SETD2: variants seen among roughly 807,000 people sequenced by gnomAD.
SETD2 encodes histone-lysine N-methyltransferase SETD2.
A neutral mutation model predicts 242.1 loss-of-function variants in SETD2; 31 were observed. The ratio of observed to expected loss-of-function variants is 0.13; its 90% CI spans 0.10 to 0.17. The LOEUF (loss-of-function observed/expected upper bound fraction) is 0.17. Among genes scored for constraint, SETD2 ranks in the 10% least tolerant of loss-of-function variants. The pLI, the probability that SETD2 is intolerant of heterozygous loss-of-function variation, is 1.00. For synonymous variants in SETD2, 1,006 were observed against 1,066.5 expected (o/e 0.94, Z 1.11); for missense variants, 2,481 against 3,046.3 (o/e 0.81, Z 4.37).
At chr3:47,030,951 G>A (rs1027954491) in intron 18 of SETD2, among the ~76,000 whole-genome samples, 1 of 152,178 alleles carries the variant, frequency 6.6e-6, no homozygotes, top group Non-Finnish European at 1.5e-5. Context: ...AGACATGGTG[G>A]AAGCCTCAAT....
chr3:47,151,782 G>C (rs1015163727), intron 1 of SETD2, among the ~76,000 whole-genome samples: 1 of 146,238 alleles, frequency 6.8e-6, no homozygotes, highest in Non-Finnish European at 1.5e-5. Context: ...AGCCAAGATC[G>C]CACCACTGCA....
chr3:47,093,354 G>A (rs1427427311), intron 9 of SETD2, among the ~76,000 whole-genome samples: 2 of 148,390 alleles, frequency 1.3e-5, no homozygotes, highest in Non-Finnish European at 3.0e-5. Flanking sequence ...CATCATGTCA[G>A]CTCACTGCAA....
chr3:47,088,951 T>A (rs1395110595), intron 9 of SETD2, among the ~76,000 whole-genome samples: 1 of 152,146 alleles, frequency 6.6e-6, no homozygotes, highest in African/African-American at 2.4e-5. Context: ...ACAAGTTGGA[T>A]AAACGGCCAT....
rs2107590103 is a variant in SETD2, at chr3:47,062,339, T to A, written c.6117A>T (p.Glu2039Asp). The A allele has an allele frequency of 6.3e-7, 1 of 1,596,850 alleles. No individual in the cohort carries two copies. Reference sequence around the variant, plus strand: ...TGAAGCCAACAGCATCCCTTCCTCGTTCAGTTGCTAAGGGAAAAGGGTGGT... The same window carrying A: ...TGAAGCCAACAGCATCCCTTCCTCGATCAGTTGCTAAGGGAAAAGGGTGGT... ...SQTEKENTTT[E>D]RGRDAVGFRD... Residue 2039 changes from glutamate to aspartate, a missense_variant, in exon 14 of 21, where the codon GAA (glutamate) becomes GAT (aspartate). This residue lies in a region of SETD2 where 80 missense variants were observed against 102.6 expected (regional missense o/e 0.78). Coordinates refer to ENST00000409792, the MANE Select transcript of SETD2 (RefSeq NM_014159.7).
At chr3:47,164,369 G>C (rs984302169), upstream of SETD2, 4 of 156,210 alleles carry the variant, frequency 2.6e-5, no homozygotes, top group African/African-American at 9.6e-5. This position sits in a 1 kb window ranked among gnomAD's most constrained non-coding sequence, Gnocchi z 5.4. Flanking sequence ...CTGGAGAGGC[G>C]GCACCGCGAC....
chr3:47,111,109 A>AG (rs2042632959), intron 5 of SETD2, among the ~76,000 whole-genome samples: 1 of 150,374 alleles, frequency 6.7e-6, no homozygotes, highest in Non-Finnish European at 1.5e-5. Context: ...AAAAAAAAAA[A>AG]AATCTCAAGA....
intron 5 of SETD2, among the ~76,000 whole-genome samples, chr3:47,111,577 T>C (rs576468598): frequency 5.3e-5 from 8 of 151,510 alleles, no homozygotes; most frequent in Non-Finnish European, 2.9e-5. Flanking sequence ...CTCAAAAAAA[T>C]AAAAAACAAT....
In SETD2 at chr3:47,037,749, C is replaced by T; in HGVS notation, c.7267G>A (p.Glu2423Lys). 1 of 1,613,686 alleles carries T rather than the reference C, an allele frequency of 6.2e-7. No individual in the cohort carries two copies. Among genetic ancestry groups the T allele is most frequent in the Non-Finnish European group, 8.5e-7 (1 of 1,179,762 alleles). Residue 2423 changes from glutamate to lysine, a missense_variant, in exon 18 of 21, where the codon GAA (glutamate) becomes AAA (lysine). This residue lies in a region of SETD2 where 235 missense variants were observed against 293.9 expected (regional missense o/e 0.80). Transcript: ENST00000409792. ...RQTQWDPPTW[E>K]SPGDDASLEH... ...AGGCTGGCATCATCTCCTGGGCTTT[C>T]CCAAGTAGGAGGATCCCACTGAGTC...
At chr3:47,119,458 T>C (rs2042986472) in intron 3 of SETD2, 1 of 159,092 alleles carries the variant, frequency 6.3e-6, no homozygotes, top group Non-Finnish European at 1.4e-5. Context: ...GTACCTGATA[T>C]GGTTTGGCTG....
At chr3:47,038,346 G>A (rs759637305) in intron 17 of SETD2, among the ~76,000 whole-genome samples, 1 of 152,168 alleles carries the variant, frequency 6.6e-6, no homozygotes, top group Non-Finnish European at 1.5e-5. Flanking sequence ...AGGCATGGTG[G>A]CTCATGCCTG....
At chr3:47,097,507 C>T (rs1303147866) in intron 9 of SETD2, among the ~76,000 whole-genome samples, 1 of 152,198 alleles carries the variant, frequency 6.6e-6, no homozygotes, top group Non-Finnish European at 1.5e-5. Flanking sequence ...AAAAGAGCAT[C>T]TGTGACTACT....
In SETD2 at chr3:47,018,095, G is replaced by A. The variant is rs1022183203; in HGVS notation, c.7432-356C>T. Among the ~76,000 whole-genome samples the A allele has an allele frequency of 3.3e-5, 5 of 152,184 alleles. No individual in the cohort carries two copies. The East Asian group carries it at 9.6e-4, about 29-fold the overall frequency. On this transcript the variant is annotated intron_variant, in intron 19 of 20. Transcript: ENST00000409792. The stretch of plus-strand genomic sequence containing the variant: ...CAGTAGCTGGGTTCTCTGGGCCCTG[G>A]AGGCAAGGCAGAGCACAGCAGGTGT...
chr3:47,098,196 T>C, intron 8 of SETD2, 115 bp from the exon 9 acceptor site: 1 of 1,014,288 alleles, frequency 9.9e-7, no homozygotes, highest in Non-Finnish European at 1.4e-6. Flanking sequence ...ACAAAAACCA[T>C]AACTTGAAGA....
At chr3:47,154,627 T>C (rs2044083169) in intron 1 of SETD2, among the ~76,000 whole-genome samples, 1 of 152,202 alleles carries the variant, frequency 6.6e-6, no homozygotes, top group Non-Finnish European at 1.5e-5. Flanking sequence ...GGAGGATTTT[T>C]ACTTTTTCTT....
rs758840930 is a variant in SETD2, at chr3:47,120,998, G to C, written c.3638C>G (p.Pro1213Arg). 2 of 1,614,158 alleles carry C rather than the reference G, an allele frequency of 1.2e-6. No homozygotes were observed. Among genetic ancestry groups the C allele is most frequent in the Admixed American group, 1.7e-5 (1 of 60,024 alleles). ...AGTGGTCTGTTGCCAAGACTTATTTGGGACATCTTCAAAATCAGAAGAATA... is the reference window on the plus strand; with the variant it reads ...AGTGGTCTGTTGCCAAGACTTATTTCGGACATCTTCAAAATCAGAAGAATA... The part of the protein sequence containing the change: ...PIYSSDFEDV[P>R]NKSWQQTTFQ... The change falls in exon 3 of 21, where the codon CCA becomes CGA. Residue 1213 changes from proline (P) to arginine (R), a missense_variant. Pro to Arg is a moderately radical substitution (Grantham distance 103). Coordinates refer to ENST00000409792, the MANE Select transcript of SETD2 (RefSeq NM_014159.7).
intron 18 of SETD2, among the ~76,000 whole-genome samples, chr3:47,022,825 G>C (rs2038292066): frequency 6.6e-6 from 1 of 152,228 alleles, no homozygotes; most frequent in Non-Finnish European, 1.5e-5. Flanking sequence ...TTCTGATTAT[G>C]ACAAGGCAGG....
rs556319027 is a variant in SETD2, at chr3:47,129,380, A to T, written c.72-2717T>A. On this transcript the variant is annotated intron_variant, in intron 1 of 20. Coordinates refer to ENST00000409792, the MANE Select transcript of SETD2 (RefSeq NM_014159.7). ...CAACTTTCCAGAGACAACTACTGTT[A>T]ACACTTTGATCTACAGAGCTTTCTG... Among the ~76,000 whole-genome samples, 479 of 152,372 alleles carry T rather than the reference A, an allele frequency of 3.1e-3. 1 individual carries two copies. Among genetic ancestry groups the T allele is most frequent in the Non-Finnish European group, 4.5e-3 (308 of 68,036 alleles).
chr3:47,117,262 AAAAAAAAAAAAAAAAAAACAAAC>A (rs2042892350), intron 3 of SETD2, among the ~76,000 whole-genome samples: 1 of 127,116 alleles, frequency 7.9e-6, no homozygotes, highest in African/African-American at 3.7e-5. Context: ...CTGCATTACC[AAAAAAAAAAAAAAAAAAACAAAC>A]AAAAAAAAAA....
chr3:47,159,657 T>C (rs1697428385), intron 1 of SETD2, among the ~76,000 whole-genome samples: 1 of 152,170 alleles, frequency 6.6e-6, no homozygotes, highest in Non-Finnish European at 1.5e-5. Context: ...GCAAAGTTCT[T>C]AGAATGGCTT....
Sources: allele counts gnomAD v4.1 joint callset (sites outside exome capture counted in the v4.1 genomes callset), GRCh38; gene constraint gnomAD v4.1.1; regional missense constraint gnomAD v4.1.1; non-coding constraint Gnocchi (gnomAD v3.1); transcripts MANE v1.5; gene names NCBI Gene and HGNC (gene_info 2026-07-23, HGNC 2026-07-21).